ZSCAN31: variants seen among roughly 807,000 people sequenced by gnomAD.
The protein encoded by ZSCAN31 is zinc finger and SCAN domain-containing protein 31.
A neutral mutation model predicts 22.5 loss-of-function variants in ZSCAN31; 14 were observed. The ratio of observed to expected loss-of-function variants is 0.62; its 90% CI spans 0.41 to 0.97. The LOEUF (loss-of-function observed/expected upper bound fraction) is 0.97. ZSCAN31 is among the 50% of genes least tolerant of loss of function. The pLI is 0.00. For synonymous variants in ZSCAN31, 168 were observed against 169.8 expected (o/e 0.99, Z 0.08); for missense variants, 424 against 483.4 (o/e 0.88, Z 1.15).
intron 2 of ZSCAN31, among the ~76,000 whole-genome samples, chr6:28,352,927 A>G (rs909559240): frequency 6.8e-6 from 1 of 148,048 alleles, no homozygotes; most frequent in Non-Finnish European, 1.5e-5. Context: ...TCCCTTTGTA[A>G]CCTCTACCAG....
chr6:28,344,963 C>G (rs1239662610), intron 2 of ZSCAN31, among the ~76,000 whole-genome samples: 2 of 136,984 alleles, frequency 1.5e-5, no homozygotes, highest in Non-Finnish European at 3.0e-5. Flanking sequence ...AACCCGTTCT[C>G]TACTAAAACT....
chr6:28,329,770 A>G lies in ZSCAN31; in HGVS notation c.-87T>C. On this transcript the variant is annotated 5_prime_UTR_variant, in exon 2 of 4. Transcript: ENST00000344279. ...ATTTTCTGATTTAATCTTCCTTAGG[A>G]GAAGACACCTGATGATAGAGCATTA... 1 of 1,461,872 alleles carries G rather than the reference A, an allele frequency of 6.8e-7. No individual in the cohort carries two copies. Among genetic ancestry groups the G allele is most frequent in the Admixed American group, 2.2e-5 (1 of 44,514 alleles). The allele number at this position is 1,461,872 out of a possible 1,614,324, so 90.6% of individuals were successfully genotyped here.
chr6:28,328,001 C>T (rs1040376989), intron 2 of ZSCAN31, among the ~76,000 whole-genome samples: 12 of 152,172 alleles, frequency 7.9e-5, no homozygotes, highest in Non-Finnish European at 1.5e-4. Context: ...CAGTAGGTTC[C>T]GTGATGCCCC....
chr6:28,329,069 C>G lies in ZSCAN31; in HGVS notation c.381+234G>C, dbSNP rs853680. Among the ~76,000 whole-genome samples, 680 of 152,296 alleles carry G rather than the reference C, an allele frequency of 4.5e-3. 3 individuals are homozygous for G. Among genetic ancestry groups the G allele is most frequent in the African/African-American group, 0.011 (470 of 41,566 alleles). ...AGAACTAAGACCTCCTGCCAACAGC[C>G]AGTGAGTAGCTGAGGCCCCCTACCA... On this transcript the variant is annotated intron_variant, in intron 2 of 3. Transcript: ENST00000344279.
chr6:28,329,215 C>T, intron 2 of ZSCAN31, 88 bp downstream of exon 2: 1 of 1,455,230 alleles, frequency 6.9e-7, no homozygotes, highest in South Asian at 1.4e-5. Context: ...AGAACTAATA[C>T]ATATAGCTAT....
rs756315075 is a variant in ZSCAN31 at position 28,327,513 on chromosome 6, T to C, written c.402A>G (p.Gly134=). Reference sequence around the variant, plus strand: ...CATCCTCCAAGAGCACTTCAGAATGTCCATGTTCATGGTCTGGAGCCTGAA... The same window carrying C: ...CATCCTCCAAGAGCACTTCAGAATGCCCATGTTCATGGTCTGGAGCCTGAA... The part of the protein sequence containing the change: ...PGNQAPDHEH[G]HSEVLLEDVE... The change falls in exon 3 of 4, where the codon GGA becomes GGG. Residue 134 remains glycine, a synonymous_variant. Coordinates refer to ENST00000344279, the MANE Select transcript of ZSCAN31 (RefSeq NM_030899.5). 2 of 1,613,536 alleles carry C rather than the reference T, an allele frequency of 1.2e-6. No homozygotes were observed. Among genetic ancestry groups the C allele is most frequent in the African/African-American group, 1.3e-5 (1 of 75,032 alleles).
chr6:28,326,711 C>T lies in ZSCAN31; in HGVS notation c.676G>A (p.Ala226Thr), dbSNP rs1323702781. The T allele has an allele frequency of 6.2e-7, 1 of 1,614,156 alleles. No homozygotes were observed. Among genetic ancestry groups the T allele is most frequent in the Admixed American group, 1.7e-5 (1 of 60,020 alleles). ...YRETCKRDSK[A>T]EKQQAHSTGE... ...GTGGAATGTGCCTGCTGCTTTTCTG[C>T]CTTGCTGTCTCGTTTACAAGTTTCT... Residue 226 changes from alanine (A) to threonine (T), a missense_variant, in exon 4 of 4, where the codon GCA (alanine) becomes ACA (threonine). Ala to Thr is a moderately conservative substitution (Grantham distance 58). Transcript: ENST00000344279.
At chr6:28,352,899 C>T (rs1472061335) in intron 2 of ZSCAN31, among the ~76,000 whole-genome samples, 5 of 151,998 alleles carry the variant, frequency 3.3e-5, no homozygotes, top group South Asian at 2.1e-4. Context: ...CAGGAAGACA[C>T]GGACTTGGAA....
At position 28,325,088 on chromosome 6, in the gene ZSCAN31, G is replaced by A. The variant is rs79172894; in HGVS notation, c.*1078C>T. On this transcript the variant is annotated 3_prime_UTR_variant, in exon 4 of 4. Transcript: ENST00000344279. Reference sequence around the variant, plus strand: ...CTAAAGTCCCACAGCTCACAAATGGGGAGGAAAGATTTGAACTTGGTGCCA... The same window carrying A: ...CTAAAGTCCCACAGCTCACAAATGGAGAGGAAAGATTTGAACTTGGTGCCA... 11 of 152,290 alleles carry A rather than the reference G, an allele frequency of 7.2e-5. No individual in the cohort carries two copies. The East Asian group carries it at 2.1e-3, about 29-fold the overall frequency. The allele number at this position is 152,290 out of a possible 1,614,324, so 9.4% of individuals were successfully genotyped here.
At chr6:28,353,887 C>T (rs763833366) in exon 2 of ZSCAN31, 17 of 456,338 alleles carry the variant, frequency 3.7e-5, no homozygotes, top group Non-Finnish European at 7.0e-5. Context: ...TGTCAGGTTC[C>T]AGCCCATACT....
intron 1 of ZSCAN31, chr6:28,354,095 T>C (rs1765256700): frequency 2.6e-6 from 1 of 379,240 alleles, no homozygotes; most frequent in African/African-American, 2.1e-5. Flanking sequence ...CACTTACAGC[T>C]GTACTCCTTG....
chr6:28,350,375 T>A (rs1031386356), intron 2 of ZSCAN31: 1 of 152,104 alleles, frequency 6.6e-6, no homozygotes, highest in African/African-American at 2.4e-5. Context: ...ATTTTTGCAC[T>A]GCCTGGTAAC....
chr6:28,349,480 T>C lies in ZSCAN31; in HGVS notation c.-371+4382A>G, dbSNP rs1361454245. ...GAGTGTTAGATTATCTTGGATTTTT[T>C]ATGTAAACCACGCAGCATGTTCCTT... On this transcript the variant is annotated intron_variant, in intron 2 of 7. Transcript: ENST00000396838. This position sits in a 1 kb window ranked among gnomAD's most constrained non-coding sequence, Gnocchi z 4.1. Among the ~76,000 whole-genome samples the C allele has an allele frequency of 2.6e-5, 4 of 152,202 alleles. No individual in the cohort carries two copies. Among genetic ancestry groups the C allele is most frequent in the Non-Finnish European group, 5.9e-5 (4 of 68,036 alleles).
Position 28,349,321 on chromosome 6 carries a change from G to GT in ZSCAN31, c.-371+4540dup, listed in dbSNP as rs1764821756. ...TAATGTTTCCATTCAGGTATCTTTTGTAAGTATTTGCTTCTGTGATAGATG... is the reference window on the plus strand; with the variant it reads ...TAATGTTTCCATTCAGGTATCTTTTGTTAAGTATTTGCTTCTGTGATAGATG... On this transcript the variant is annotated intron_variant, in intron 2 of 7. Coordinates refer to the ZSCAN31 transcript ENST00000396838. This position sits in a 1 kb window ranked among gnomAD's most constrained non-coding sequence, Gnocchi z 4.1. 6.6e-6 allele frequency among the ~76,000 whole-genome samples: 1 copy of GT among 151,794 alleles called. No homozygotes were observed. Among genetic ancestry groups the GT allele is most frequent in the Non-Finnish European group, 1.5e-5 (1 of 67,942 alleles).
exon 2 of ZSCAN31, chr6:28,353,878 G>A (rs1187724066): frequency 1.1e-5 from 5 of 456,490 alleles, no homozygotes; most frequent in Non-Finnish European, 2.2e-5. Context: ...CATGCCAAGT[G>A]TCAGGTTCCA....
chr6:28,342,858 G>A (rs1764470413), intron 2 of ZSCAN31, among the ~76,000 whole-genome samples: 1 of 152,218 alleles, frequency 6.6e-6, no homozygotes, highest in Admixed American at 6.5e-5. Context: ...GAAAGACCAT[G>A]TAGCACTAAA....
At chr6:28,326,991 G>A (rs930347012) in intron 3 of ZSCAN31, 137 bp from the exon 4 acceptor site, 1 of 897,716 alleles carries the variant, frequency 1.1e-6, no homozygotes, top group Non-Finnish European at 1.6e-6. Flanking sequence ...AGCAGGTTGG[G>A]TTAAACAGGG....
Position 28,351,056 on chromosome 6 carries a change from A to C in ZSCAN31, c.-371+2806T>G, listed in dbSNP as rs1764976750. Among the ~76,000 whole-genome samples, 1 of 152,160 alleles carries C rather than the reference A, an allele frequency of 6.6e-6. No individual in the cohort carries two copies. The highest frequency in any genetic ancestry group is 2.1e-4 in the South Asian group (1 of 4,832). Reference sequence around the variant, plus strand: ...AACTGGCTTCATACTAACACCCTTCATTTCAACCCAACTTTTACAGGGTTA... The same window carrying C: ...AACTGGCTTCATACTAACACCCTTCCTTTCAACCCAACTTTTACAGGGTTA... On this transcript the variant is annotated intron_variant, in intron 2 of 7. Coordinates refer to the ZSCAN31 transcript ENST00000396838. The surrounding 1 kb of genome is among the most constrained non-coding windows in gnomAD (Gnocchi z 4.6).
At chr6:28,338,136 C>T (rs1013558420), upstream of ZSCAN31, among the ~76,000 whole-genome samples, 14 of 152,196 alleles carry the variant, frequency 9.2e-5, no homozygotes, top group Admixed American at 9.2e-4. Flanking sequence ...TGGTGGTTCA[C>T]GCCTATAATC....
Sources: allele counts gnomAD v4.1 joint callset (sites outside exome capture counted in the v4.1 genomes callset), GRCh38; gene constraint gnomAD v4.1.1; non-coding constraint Gnocchi (gnomAD v3.1); transcripts MANE v1.5; gene names NCBI Gene and HGNC (gene_info 2026-07-23, HGNC 2026-07-21).